F12: variants seen among roughly 807,000 people sequenced by gnomAD.
F12 encodes the protein coagulation factor XII.
In F12, 70 loss-of-function variants were observed where a neutral mutation model predicts 74.8. The ratio of observed to expected loss-of-function variants is 0.94; its 90% CI spans 0.77 to 1.14. The LOEUF (loss-of-function observed/expected upper bound fraction) is 1.14. F12 is among the 50% of genes most tolerant of loss of function. The pLI, the probability that F12 is intolerant of heterozygous loss-of-function variation, is 0.00. For synonymous variants in F12, 373 were observed against 356.4 expected, an observed-to-expected ratio of 1.05 and a Z score of -0.52; for missense variants, 811 against 835.7, an observed-to-expected ratio of 0.97 and a Z score of 0.36.
chr5:177,403,129 C>T (rs1170216292), intron 12 of F12, 125 bp downstream of exon 12: 3 of 1,266,656 alleles, frequency 2.4e-6, no homozygotes, highest in African/African-American at 1.5e-5. Context: ...ATTCTCACAA[C>T]CCATCAGGTC....
intron 6 of F12, 37 bp from the exon 7 acceptor site, chr5:177,404,951 A>G: frequency 1.3e-6 from 2 of 1,586,062 alleles, no homozygotes; most frequent in Non-Finnish European, 1.7e-6. Flanking sequence ...CCCTGGGCCT[A>G]AAGACCCCCC....
intron 1 of F12, 147 bp downstream of exon 1, chr5:177,409,324 C>T: frequency 9.6e-7 from 1 of 1,039,158 alleles, no homozygotes. Context: ...GTCTCCTCTG[C>T]CTGGGCCTTC....
At chr5:177,405,679 G>A (rs960466376) in intron 4 of F12, 56 bp downstream of exon 4, 1 of 1,534,460 alleles carries the variant, frequency 6.5e-7, no homozygotes, top group Non-Finnish European at 9.0e-7. Flanking sequence ...GATACCAGGA[G>A]AGTAATGAGG....
In F12 at chr5:177,404,284, C is replaced by G. The variant is rs77098327; in HGVS notation, c.930G>C (p.Arg310Ser). ...GCGCGGGCATGAGTGGGACATGAAG[C>G]CTAGGGGACACCGGGGTCGGAGGCG... ...QAAPPTPVSP[R>S]LHVPLMPAQP... Residue 310 changes from arginine to serine, a missense_variant, in exon 9 of 14, where the codon AGG (arginine) becomes AGC (serine). Transcript: ENST00000253496. 6.2e-4 allele frequency: 1,000 copies of G among 1,600,816 alleles called. 5 individuals are homozygous for G. In the African/African-American group the frequency reaches 0.012, roughly 19 times the overall value.
Position 177,404,364 on chromosome 5 carries a change from G to T in F12, c.850C>A (p.Arg284=). 2 of 1,611,830 alleles carry T rather than the reference G, an allele frequency of 1.2e-6. No individual in the cohort carries two copies. Among genetic ancestry groups the T allele is most frequent in the Non-Finnish European group, 1.7e-6 (2 of 1,179,558 alleles). The part of the protein sequence containing the change: ...RPWCFVLNRD[R]LSWEYCDLAQ... ...AGGTCGCAGTACTCCCAGCTCAGCC[G>T]GTCGCGGTTCAGCACGAAGCACCAC... Residue 284 remains arginine, a synonymous_variant, in exon 9 of 14, where the codon CGG becomes AGG. Transcript: ENST00000253496.
intron 7 of F12, 35 bp downstream of exon 7, chr5:177,404,775 G>T (rs1763243387): frequency 6.3e-7 from 1 of 1,589,146 alleles, no homozygotes; most frequent in Non-Finnish European, 8.6e-7. Context: ...CCCACCTGGG[G>T]GCTGGCCTTC....
chr5:177,403,085 A>T, intron 12 of F12, 169 bp downstream of exon 12: 1 of 844,564 alleles, frequency 1.2e-6, no homozygotes, highest in Non-Finnish European at 1.8e-6. Context: ...AGTGAATCCC[A>T]GGCCCTGGGA....
At chr5:177,407,063 C>T (rs148688515) in intron 2 of F12, among the ~76,000 whole-genome samples, 13 of 152,302 alleles carry the variant, frequency 8.5e-5, no homozygotes, top group Non-Finnish European at 1.3e-4. Context: ...AGGGAGAAAG[C>T]GTGTGTTAGA....
rs564927715 is a variant in F12, at chr5:177,406,421, G to A, written c.116-360C>T. ...GGAGAATGGTGTGAACCCGGGAGGC[G>A]GAGCTTGCAGTGAGCCGAGATCGCG... is the stretch of plus-strand genomic sequence containing the variant. On this transcript the variant is annotated intron_variant, in intron 2 of 13. Coordinates refer to ENST00000253496, the MANE Select transcript of F12 (RefSeq NM_000505.4). Among the ~76,000 whole-genome samples the A allele has an allele frequency of 1.3e-4, 20 of 152,176 alleles. 1 individual carries two copies. In the South Asian group the frequency reaches 4.2e-3, roughly 32 times the overall value.
chr5:177,408,058 T>A (rs1324514553), intron 2 of F12, among the ~76,000 whole-genome samples: 4 of 125,782 alleles, frequency 3.2e-5, no homozygotes, highest in East Asian at 2.1e-4. Flanking sequence ...TCTAGGTAAA[T>A]TTTTTTTTTT....
chr5:177,405,282 T>C, intron 5 of F12, 41 bp downstream of exon 5: 1 of 1,613,258 alleles, frequency 6.2e-7, no homozygotes, highest in Non-Finnish European at 8.5e-7. Flanking sequence ...GGGTTGCCCC[T>C]GTCCCCCAGC....
intron 10 of F12, 118 bp from the exon 11 acceptor site, chr5:177,403,735 G>C: frequency 6.7e-7 from 1 of 1,494,376 alleles, no homozygotes; most frequent in Admixed American, 2.0e-5. Flanking sequence ...GAGCTCCGGA[G>C]GGGCGTGGAA....
At chr5:177,408,948 C>G in intron 2 of F12, 98 bp downstream of exon 2, 2 of 1,163,054 alleles carry the variant, frequency 1.7e-6, no homozygotes, top group Non-Finnish European at 2.5e-6. Context: ...AGACCTAGCA[C>G]CAGGTAGGCA....
chr5:177,409,388 C>T, intron 1 of F12, 83 bp downstream of exon 1: 3 of 1,507,582 alleles, frequency 2.0e-6, no homozygotes, highest in Non-Finnish European at 2.8e-6. Context: ...ACCCACAGGT[C>T]ATGAGCAGAG....
chr5:177,402,624 C>A lies in F12; in HGVS notation c.1606G>T (p.Asp536Tyr), dbSNP rs777543690. Residue 536 changes from aspartate (D) to tyrosine (Y), a missense_variant, in exon 13 of 14, where the codon GAC (aspartate) becomes TAC (tyrosine). Coordinates refer to ENST00000253496, the MANE Select transcript of F12 (RefSeq NM_000505.4). The stretch of plus-strand genomic sequence containing the variant: ...GGGAGGATGGAGGATCCGTGCACGT[C>A]CGGGGCTGAGCAGCGCTCCAGGGAG... ...FLSLERCSAPDVHGSSILPGM... is the reference protein window; with the variant it reads ...FLSLERCSAPYVHGSSILPGM... 1 of 1,613,172 alleles carries A rather than the reference C, an allele frequency of 6.2e-7. No homozygotes were observed. The highest frequency in any genetic ancestry group is 8.5e-7 in the Non-Finnish European group (1 of 1,180,006).
Position 177,402,596 on chromosome 5 carries a change from C to T in F12, c.1634G>A (p.Gly545Asp), listed in dbSNP as rs17876034. The T allele has an allele frequency of 3.2e-5, 52 of 1,613,012 alleles. No individual in the cohort carries two copies. The African/African-American group carries it at 5.6e-4, about 17-fold the overall frequency. The change falls in exon 13 of 14, where the codon GGC becomes GAC. Residue 545 changes from glycine (G) to aspartate (D), a missense_variant. Physicochemically the swap from Gly to Asp is moderately conservative, Grantham distance 94. Transcript: ENST00000253496. ...CTCGAGGAACCCTGCGCAGAGCATG[C>T]CGGGGAGGATGGAGGATCCGTGCAC... is the stretch of plus-strand genomic sequence containing the variant. ...PDVHGSSILP[G>D]MLCAGFLEGG...
At position 177,404,870 on chromosome 5, in the gene F12, C is replaced by T. The variant is rs745693945; in HGVS notation, c.574G>A (p.Val192Met). ...PCLHGGRCLE[V>M]EGHRLCHCPV... Reference sequence around the variant, plus strand: ...CAGTGGCACAGGCGGTGGCCCTCCACCTCTAGGCAGCGACCCCCATGGAGG... The same window carrying T: ...CAGTGGCACAGGCGGTGGCCCTCCATCTCTAGGCAGCGACCCCCATGGAGG... Residue 192 changes from valine (V) to methionine (M), a missense_variant, in exon 7 of 14, where the codon GTG (valine) becomes ATG (methionine). By Grantham distance (21) the Val-to-Met change is conservative. Coordinates refer to ENST00000253496, the MANE Select transcript of F12 (RefSeq NM_000505.4). 10 of 1,609,492 alleles carry T rather than the reference C, an allele frequency of 6.2e-6. No individual in the cohort carries two copies. The Admixed American group carries it at 1.2e-4, about 19-fold the overall frequency.
rs750985911 is a variant in F12, at chr5:177,403,625, G to C, written c.1251-8C>G. 1.2e-6 allele frequency: 2 copies of C among 1,602,614 alleles called. No individual in the cohort carries two copies. Among genetic ancestry groups the C allele is most frequent in the East Asian group, 2.2e-5 (1 of 44,766 alleles). ...AGATCCTCGGGTGCGGGCCTGCGGGGGGGGTAGGGGAGAGGCAGCGCTCTC... is the reference window on the plus strand; with the variant it reads ...AGATCCTCGGGTGCGGGCCTGCGGGCGGGGTAGGGGAGAGGCAGCGCTCTC... On this transcript the variant is annotated splice_polypyrimidine_tract_variant and splice_region_variant and intron_variant, in intron 10 of 13. Transcript: ENST00000253496.
At chr5:177,406,101 T>TCAA in intron 2 of F12, 40 bp from the exon 3 acceptor site, 2 of 1,550,612 alleles carry the variant, frequency 1.3e-6, no homozygotes, top group South Asian at 2.2e-5. Flanking sequence ...TCCCCTGTAC[T>TCAA]CAACTGCTCA....
Sources: allele counts gnomAD v4.1 joint callset (sites outside exome capture counted in the v4.1 genomes callset), GRCh38; gene constraint gnomAD v4.1.1; transcripts MANE v1.5; gene names NCBI Gene and HGNC (gene_info 2026-07-23, HGNC 2026-07-21).